The following RREB1 variants were observed in gnomAD, a reference collection of about 807,000 sequenced individuals.
The protein encoded by RREB1 is ras responsive element binding protein 1, also known as ras-responsive element-binding protein 1.
RREB1 carries 27 observed loss-of-function variants against 117.8 expected under a neutral mutation model. That is an observed-to-expected ratio of 0.23 (90% CI 0.17 to 0.32). The LOEUF (loss-of-function observed/expected upper bound fraction) is 0.32, where lower values mean the gene tolerates loss of function less well. RREB1 is among the 10% of genes least tolerant of loss of function. RREB1 has a pLI of 1.00. For synonymous variants in RREB1, 1,298 were observed against 1,026.7 expected (o/e 1.26, Z -5.05); for missense variants, 2,577 against 2,378.2 (o/e 1.08, Z -1.74).
At chr6:7,188,226 C>CGTGT (rs149501678) in intron 5 of RREB1, among the ~76,000 whole-genome samples, 52,878 of 149,232 alleles carry the variant, frequency 0.35, 9,453 homozygotes, top group Middle Eastern at 0.47. Flanking sequence ...CCCCCCCACA[C>CGTGT]GTGTGTGTGT....
intron 6 of RREB1, among the ~76,000 whole-genome samples, chr6:7,201,733 A>G (rs1269266700): frequency 1.3e-5 from 2 of 152,158 alleles, no homozygotes; most frequent in Non-Finnish European, 2.9e-5. Flanking sequence ...TAATGGGTTC[A>G]TTGGTCCTGT....
At chr6:7,176,390 G>A (rs1215094799) in intron 1 of RREB1, among the ~76,000 whole-genome samples, 1 of 152,160 alleles carries the variant, frequency 6.6e-6, no homozygotes, top group Non-Finnish European at 1.5e-5. Context: ...TTCTCACATG[G>A]TGCTGCCCTT....
chr6:7,184,610 C>T (rs1764983118), intron 4 of RREB1: 1 of 151,940 alleles, frequency 6.6e-6, no homozygotes, highest in South Asian at 2.1e-4. Flanking sequence ...TCCCATATAA[C>T]TTGGATTTTG....
intron 5 of RREB1, among the ~76,000 whole-genome samples, chr6:7,188,147 G>A (rs1352330892): frequency 6.6e-6 from 1 of 152,104 alleles, no homozygotes; most frequent in Non-Finnish European, 1.5e-5. Context: ...CAGCCTGGGT[G>A]ACAGACCGGG....
intron 1 of RREB1, among the ~76,000 whole-genome samples, chr6:7,145,313 T>C (rs1481409349): frequency 6.6e-6 from 1 of 152,214 alleles, no homozygotes; most frequent in Non-Finnish European, 1.5e-5. Flanking sequence ...ACTTTTCTCC[T>C]TTTCCCATAG....
intron 1 of RREB1, among the ~76,000 whole-genome samples, chr6:7,129,138 C>A (rs557535478): frequency 6.6e-6 from 1 of 152,246 alleles, no homozygotes; most frequent in South Asian, 2.1e-4. Flanking sequence ...CCATGTGGAC[C>A]CTGAGCCAAG....
intron 1 of RREB1, among the ~76,000 whole-genome samples, chr6:7,109,782 A>G (rs1761046004): frequency 6.6e-6 from 1 of 152,196 alleles, no homozygotes; most frequent in Admixed American, 6.5e-5. Context: ...GCAGCAGCAC[A>G]CATTCGGGGC....
intron 6 of RREB1, among the ~76,000 whole-genome samples, chr6:7,193,943 T>C (rs1296332485): frequency 6.7e-6 from 1 of 148,812 alleles, no homozygotes; most frequent in African/African-American, 2.6e-5. Flanking sequence ...TTGTGTCACT[T>C]TGCATATTAG....
chr6:7,191,707 T>G lies in RREB1; in HGVS notation c.425+2385T>G, dbSNP rs141124154. 7.5e-3 allele frequency among the ~76,000 whole-genome samples: 1,137 copies of G among 152,330 alleles called. 8 individuals carry two copies. The highest frequency in any genetic ancestry group is 0.012 in the Non-Finnish European group (790 of 68,032). ...TATCGGTTAAATTTATTTCTAAGTA[T>G]TTTATTATTTTTGGCACTATTATAA... On this transcript the variant is annotated intron_variant, in intron 6 of 12. Transcript: ENST00000379938.
chr6:7,241,772 G>A (rs555084542), intron 11 of RREB1, among the ~76,000 whole-genome samples: 6 of 152,266 alleles, frequency 3.9e-5, no homozygotes, highest in South Asian at 2.1e-4. Context: ...CTGCCCAACC[G>A]CCAGTCTAGA....
chr6:7,157,103 C>G (rs920436861), intron 1 of RREB1, among the ~76,000 whole-genome samples: 3 of 152,088 alleles, frequency 2.0e-5, no homozygotes, highest in Non-Finnish European at 4.4e-5. Flanking sequence ...AGTATAAGAC[C>G]CGACTGCCCA....
In RREB1 at chr6:7,248,943, C is replaced by T. The variant is rs1769277738; in HGVS notation, c.5204C>T (p.Ala1735Val). ...CCAATCCTGGCCACAGCTGATGGCG[C>T]CTCCCAGCTCGTGGGGATGGAGTGA... ...AHPILATADGASQLVGME is the reference protein window; with the variant it reads ...AHPILATADGVSQLVGME Residue 1735 changes from alanine to valine, a missense_variant, in exon 13 of 13, where the codon GCC becomes GTC. Ala to Val is a moderately conservative substitution (Grantham distance 64). Coordinates refer to ENST00000379938, the MANE Select transcript of RREB1 (RefSeq NM_001003699.4). The T allele has an allele frequency of 6.7e-7, 1 of 1,496,360 alleles. No homozygotes were observed. Among genetic ancestry groups the T allele is most frequent in the Non-Finnish European group, 8.9e-7 (1 of 1,125,386 alleles). 92.7% of individuals were successfully genotyped at this position (1,496,360 alleles called of 1,614,324 possible). A position where few individuals can be genotyped will look rare whatever the true frequency, so the allele number is the denominator to read the frequency against.
chr6:7,181,621 A>C (rs1764798006), intron 3 of RREB1: 1 of 578,614 alleles, frequency 1.7e-6, no homozygotes, highest in Non-Finnish European at 3.0e-6. Context: ...CCTGCCTCTC[A>C]TGAGTTTGAG....
At chr6:7,164,712 T>A (rs1763840793) in intron 1 of RREB1, among the ~76,000 whole-genome samples, 1 of 152,148 alleles carries the variant, frequency 6.6e-6, no homozygotes, top group Non-Finnish European at 1.5e-5. Context: ...TGCTTTTGAG[T>A]CTGAACCTAA....
chr6:7,108,684 C>T (rs1029339632), intron 1 of RREB1: 10 of 152,422 alleles, frequency 6.6e-5, no homozygotes, highest in African/African-American at 1.9e-4. Flanking sequence ...GGCGCCCGCC[C>T]TCCCGCCGCC....
At chr6:7,239,165 C>T (rs1453073073) in intron 10 of RREB1, among the ~76,000 whole-genome samples, 6 of 152,224 alleles carry the variant, frequency 3.9e-5, no homozygotes. Context: ...CGCCAGAGGC[C>T]CCTGTGATCT....
intron 6 of RREB1, among the ~76,000 whole-genome samples, chr6:7,206,182 A>G (rs1377312612): frequency 6.6e-6 from 1 of 152,238 alleles, no homozygotes; most frequent in Non-Finnish European, 1.5e-5. Flanking sequence ...TCTCTCTACA[A>G]TGAGTGTAGG....
chr6:7,117,531 G>A (rs751338291), intron 1 of RREB1, among the ~76,000 whole-genome samples: 5 of 149,338 alleles, frequency 3.3e-5, no homozygotes, highest in Admixed American at 1.4e-4. Flanking sequence ...TTAGCCTCCC[G>A]AGTAGCTGGG....
intron 10 of RREB1, among the ~76,000 whole-genome samples, chr6:7,233,318 ACT>A (rs1485972703): frequency 2.6e-5 from 4 of 152,172 alleles, no homozygotes; most frequent in Non-Finnish European, 5.9e-5. Context: ...TGGCCATACA[ACT>A]CTCATCTGAA....
Sources: gnomAD v4.1 joint callset for allele counts (sites outside exome capture counted in the v4.1 genomes callset) on GRCh38, gnomAD v4.1.1 for gene constraint, MANE v1.5 for transcripts, NCBI Gene and HGNC (gene_info 2026-07-23, HGNC 2026-07-21) for gene names.